CATSPERE: variants seen among roughly 807,000 people sequenced by gnomAD.
The protein encoded by CATSPERE is cation channel sperm-associated auxiliary subunit epsilon.
A neutral mutation model predicts 114.1 loss-of-function variants in CATSPERE; 93 were observed. The ratio of observed to expected loss-of-function variants is 0.81; its 90% CI spans 0.69 to 0.97. The LOEUF (loss-of-function observed/expected upper bound fraction) is 0.97, where lower values mean the gene tolerates loss of function less well. Ranked by LOEUF, CATSPERE falls within the 50% of genes least tolerant of loss-of-function variation. The pLI, the probability that CATSPERE is intolerant of heterozygous loss-of-function variation, is 0.00. For synonymous variants in CATSPERE, 341 were observed against 384.1 expected (o/e 0.89, Z 1.31); for missense variants, 1,058 against 1,131.6 (o/e 0.93, Z 0.93).
intron 17 of CATSPERE, among the ~76,000 whole-genome samples, chr1:244,596,358 T>C (rs1223133390): frequency 2.0e-5 from 3 of 152,226 alleles, no homozygotes; most frequent in Non-Finnish European, 4.4e-5. Flanking sequence ...GCCTATGCGA[T>C]AGCCCTGCTC....
intron 11 of CATSPERE, among the ~76,000 whole-genome samples, chr1:244,576,084 G>A (rs985685201): frequency 4.6e-5 from 7 of 152,028 alleles, no homozygotes; most frequent in Admixed American, 1.3e-4. Flanking sequence ...ATACTTTACC[G>A]GCTCCTCCAG....
At chr1:244,526,521 T>C (rs1572569607) in intron 8 of CATSPERE, among the ~76,000 whole-genome samples, 1 of 151,796 alleles carries the variant, frequency 6.6e-6, no homozygotes, top group South Asian at 2.1e-4. Context: ...AGAAAAAAAA[T>C]ATCTGGCTTT....
At position 244,575,039 on chromosome 1, in the gene CATSPERE, C is replaced by CTG. The variant is rs1665031819; in HGVS notation, c.1950+2268_1950+2269insGT. On this transcript the variant is annotated intron_variant, in intron 11 of 21. Coordinates refer to ENST00000366534, the MANE Select transcript of CATSPERE (RefSeq NM_001130957.2). The surrounding 1 kb of genome is among the most constrained non-coding windows in gnomAD (Gnocchi z 4.5). ...TTATTCTCTCCCTCTATCTCTCTCT[C>CTG]TCATTTGCGCTGTCTCCCTCCTGAG... Among the ~76,000 whole-genome samples, 1 of 152,184 alleles carries CTG rather than the reference C, an allele frequency of 6.6e-6. No homozygotes were observed. The highest frequency in any genetic ancestry group is 2.4e-5 in the African/African-American group (1 of 41,444).
intron 2 of CATSPERE, among the ~76,000 whole-genome samples, chr1:244,476,159 G>A (rs1167984223): frequency 6.6e-6 from 1 of 152,040 alleles, no homozygotes; most frequent in East Asian, 1.9e-4. Context: ...AATTTTAGGG[G>A]CCGGGTACAG....
At chr1:244,605,966 G>A (rs1669935291) in intron 18 of CATSPERE, among the ~76,000 whole-genome samples, 172 bp downstream of exon 18, 4 of 152,112 alleles carry the variant, frequency 2.6e-5, no homozygotes, top group Admixed American at 2.6e-4. Flanking sequence ...ATGAAAAATA[G>A]AAGTTGTCAC....
intron 6 of CATSPERE, among the ~76,000 whole-genome samples, chr1:244,495,475 A>G (rs1572400299): frequency 6.6e-6 from 1 of 152,040 alleles, no homozygotes; most frequent in Admixed American, 6.6e-5. Flanking sequence ...CAAATCCCAG[A>G]ACTTTGGGAG....
chr1:244,630,789 T>C (rs1376068352), intron 20 of CATSPERE, among the ~76,000 whole-genome samples: 1 of 152,178 alleles, frequency 6.6e-6, no homozygotes, highest in Non-Finnish European at 1.5e-5. Flanking sequence ...GTGGTTCGCA[T>C]CTGATCAATT....
chr1:244,518,417 G>T (rs537631358), intron 7 of CATSPERE, among the ~76,000 whole-genome samples, 175 bp from the exon 8 acceptor site: 10 of 152,128 alleles, frequency 6.6e-5, no homozygotes, highest in African/African-American at 1.2e-4. Flanking sequence ...CATAAAGTTC[G>T]CATGGGGAGG....
chr1:244,540,264 G>A (rs1572647106), intron 8 of CATSPERE, among the ~76,000 whole-genome samples: 1 of 146,486 alleles, frequency 6.8e-6, no homozygotes. Context: ...AAACCCCATT[G>A]TCTCAGCCCA....
chr1:244,593,699 G>T lies in CATSPERE; in HGVS notation c.2303+121G>T, dbSNP rs1156881522. 3.8e-6 allele frequency: 3 copies of T among 788,330 alleles called. No individual in the cohort carries two copies. The African/African-American group carries it at 5.3e-5, about 14-fold the overall frequency. 48.8% of individuals were successfully genotyped at this position (788,330 alleles called of 1,614,324 possible). On this transcript the variant is annotated intron_variant, in intron 17 of 21. Coordinates refer to ENST00000366534, the MANE Select transcript of CATSPERE (RefSeq NM_001130957.2). The stretch of plus-strand genomic sequence containing the variant: ...ATTTTAGACTCTACTCAATATATGC[G>T]AGACTTGGTTTTCAGTACTAGTTAT...
At chr1:244,613,439 G>A (rs903626265) in intron 19 of CATSPERE, among the ~76,000 whole-genome samples, 3 of 152,110 alleles carry the variant, frequency 2.0e-5, no homozygotes, top group Non-Finnish European at 4.4e-5. Flanking sequence ...AGAGTTTATC[G>A]AGACATATAG....
In CATSPERE at chr1:244,546,338, G is replaced by A. The variant is rs544609032; in HGVS notation, c.537-5984G>A. On this transcript the variant is annotated intron_variant, in intron 8 of 21. Coordinates refer to ENST00000366534, the MANE Select transcript of CATSPERE (RefSeq NM_001130957.2). The stretch of plus-strand genomic sequence containing the variant: ...CCTAGAATCTCTGGACAGGCTTACT[G>A]TTGAATTGTTTTCCCAGACAAAACT... 2.3e-4 allele frequency among the ~76,000 whole-genome samples: 35 copies of A among 152,282 alleles called. No homozygotes were observed. The Middle Eastern group carries it at 0.01, about 44-fold the overall frequency.
At chr1:244,499,205 C>A in intron 7 of CATSPERE, 126 bp downstream of exon 7, 2 of 574,128 alleles carry the variant, frequency 3.5e-6, no homozygotes, top group Non-Finnish European at 6.2e-6. Flanking sequence ...AATACATTTG[C>A]ATGATCCCTT....
intron 5 of CATSPERE, among the ~76,000 whole-genome samples, chr1:244,487,327 G>C (rs974019023): frequency 6.6e-6 from 1 of 152,012 alleles, no homozygotes; most frequent in African/African-American, 2.4e-5. Flanking sequence ...CAGCCCACCA[G>C]CCGCCATATT....
chr1:244,584,819 G>T (rs1032299411), intron 13 of CATSPERE, among the ~76,000 whole-genome samples: 1 of 152,114 alleles, frequency 6.6e-6, no homozygotes, highest in East Asian at 1.9e-4. Flanking sequence ...TGAGGCAGAC[G>T]TGATCCATCC....
At chr1:244,457,220 G>A (rs370959458), upstream of CATSPERE, among the ~76,000 whole-genome samples, 5 of 152,120 alleles carry the variant, frequency 3.3e-5, no homozygotes, top group Non-Finnish European at 7.3e-5. Context: ...GGGCCCCTGT[G>A]TCCAAAATCT....
intron 19 of CATSPERE, among the ~76,000 whole-genome samples, chr1:244,616,490 G>A (rs1257715928): frequency 1.3e-5 from 2 of 152,208 alleles, no homozygotes; most frequent in Non-Finnish European, 2.9e-5. Context: ...TGATTCTGGA[G>A]GGTGGGAAGT....
At chr1:244,600,395 C>G (rs1191497303) in intron 17 of CATSPERE, among the ~76,000 whole-genome samples, 1 of 147,958 alleles carries the variant, frequency 6.8e-6, no homozygotes, top group Non-Finnish European at 1.5e-5. Context: ...GACTAGAAAA[C>G]TCTGCTAATG....
At chr1:244,618,875 C>T (rs1671732387) in intron 20 of CATSPERE, among the ~76,000 whole-genome samples, 1 of 151,872 alleles carries the variant, frequency 6.6e-6, no homozygotes, top group Non-Finnish European at 1.5e-5. Context: ...GGCCTAGTGG[C>T]AGTAAGAATG....
Sources: gnomAD v4.1 joint callset for allele counts (sites outside exome capture counted in the v4.1 genomes callset) on GRCh38, gnomAD v4.1.1 for gene constraint, Gnocchi (gnomAD v3.1) non-coding constraint, MANE v1.5 for transcripts, NCBI Gene and HGNC (gene_info 2026-07-23, HGNC 2026-07-21) for gene names.